SLC1A6: variants seen among roughly 807,000 people sequenced by gnomAD.
The protein encoded by SLC1A6 is solute carrier family 1 member 6.
Under a neutral mutation model 42.1 loss-of-function variants are expected in SLC1A6, and 15 were observed. That is an observed-to-expected ratio of 0.36 (90% confidence interval 0.24 to 0.55). SLC1A6 has a LOEUF of 0.55. Among genes scored for constraint, SLC1A6 ranks in the 20% least tolerant of loss-of-function variants. The pLI is 0.88. For synonymous variants in SLC1A6, 317 were observed against 319.7 expected, an observed-to-expected ratio of 0.99 and a Z score of 0.09; for missense variants, 542 against 772.5, an observed-to-expected ratio of 0.70 and a Z score of 3.54.
chr19:14,968,132 A>G (rs900726656), intron 4 of SLC1A6, among the ~76,000 whole-genome samples, 171 bp downstream of exon 4: 1 of 152,204 alleles, frequency 6.6e-6, no homozygotes, highest in African/African-American at 2.4e-5. Context: ...CAACCCATTC[A>G]GCATAAAGCT....
upstream of SLC1A6, among the ~76,000 whole-genome samples, chr19:14,981,294 A>G (rs971789365): frequency 1.3e-5 from 2 of 151,224 alleles, no homozygotes; most frequent in Non-Finnish European, 3.0e-5. Flanking sequence ...CCTTGTCTAA[A>G]AAAAAAAAAA....
At chr19:14,972,949 A>T (rs2045661898) in intron 1 of SLC1A6, 32 bp from the exon 2 acceptor site, 1 of 1,518,964 alleles carries the variant, frequency 6.6e-7, no homozygotes, top group Non-Finnish European at 8.9e-7. Flanking sequence ...GGGGCTGGTG[A>T]GGGCCAGGAC....
At chr19:14,983,603 G>A (rs991973227), upstream of SLC1A6, among the ~76,000 whole-genome samples, 7 of 150,204 alleles carry the variant, frequency 4.7e-5, no homozygotes, top group East Asian at 1.4e-3. Context: ...CGGGAGGATC[G>A]CTTGAGCCTG....
At chr19:14,967,633 C>T (rs1230324297) in intron 4 of SLC1A6, among the ~76,000 whole-genome samples, 1 of 152,182 alleles carries the variant, frequency 6.6e-6, no homozygotes, top group Admixed American at 6.5e-5. Context: ...AAGACCATGC[C>T]ACGCAGGGGT....
At chr19:14,977,284 C>A (rs2045722356) in intron 1 of SLC1A6, 1 of 152,146 alleles carries the variant, frequency 6.6e-6, no homozygotes, top group Non-Finnish European at 1.5e-5. Context: ...CAAATTCAGC[C>A]TACTGCTTGT....
chr19:14,959,384 A>G (rs2045489484), intron 6 of SLC1A6, among the ~76,000 whole-genome samples: 1 of 152,240 alleles, frequency 6.6e-6, no homozygotes, highest in Non-Finnish European at 1.5e-5. Flanking sequence ...TGCATAAGGG[A>G]TAAAAATTGC....
At chr19:14,980,785 TC>T (rs1388184535), upstream of SLC1A6, among the ~76,000 whole-genome samples, 1 of 152,076 alleles carries the variant, frequency 6.6e-6, no homozygotes. Context: ...ATCTACACAC[TC>T]CTATAAAGTA....
intron 1 of SLC1A6, among the ~76,000 whole-genome samples, chr19:14,998,065 G>A (rs2045855740): frequency 2.0e-5 from 3 of 151,922 alleles, no homozygotes; most frequent in Admixed American, 6.6e-5. Context: ...ACATATGCAT[G>A]TAAACTAAAA....
Position 14,968,453 on chromosome 19 carries a change from A to T in SLC1A6, c.398T>A (p.Val133Glu). 3 of 1,613,520 alleles carry T rather than the reference A, an allele frequency of 1.9e-6. No homozygotes were observed. Among genetic ancestry groups the T allele is most frequent in the Non-Finnish European group, 2.5e-6 (3 of 1,179,794 alleles). ...ATGRMGMRAA[V>E]YYMVTTIIAV... ...GATGATGGTGGTCACCATGTAGTAC[A>T]CAGCTGCCCGCATCCCCATCCGCCC... The change falls in exon 4 of 10, where the codon GTG becomes GAG. Residue 133 changes from valine (V) to glutamate (E), a missense_variant. Transcript: ENST00000594383.
intron 6 of SLC1A6, among the ~76,000 whole-genome samples, chr19:14,957,256 C>T (rs2045471553): frequency 6.6e-6 from 1 of 152,172 alleles, no homozygotes; most frequent in Non-Finnish European, 1.5e-5. Flanking sequence ...ATTCATTCCA[C>T]AGATATTGAC....
rs185146633 is a variant in SLC1A6, at chr19:14,969,098, C to T, written c.344-591G>A. 2.4e-3 allele frequency among the ~76,000 whole-genome samples: 368 copies of T among 152,312 alleles called. 7 individuals are homozygous for T. The highest frequency in any genetic ancestry group is 3.1e-4 in the Non-Finnish European group (21 of 68,032). ...CAGACGATCCACTCACCTCAGCCTTCCAAAGTGCTGGGATTACAGGCATGA... is the reference window on the plus strand; with the variant it reads ...CAGACGATCCACTCACCTCAGCCTTTCAAAGTGCTGGGATTACAGGCATGA... On this transcript the variant is annotated intron_variant, in intron 3 of 9. Transcript: ENST00000594383.
upstream of SLC1A6, among the ~76,000 whole-genome samples, chr19:14,983,465 T>A (rs1217437749): frequency 6.6e-6 from 1 of 151,770 alleles, no homozygotes; most frequent in African/African-American, 2.4e-5. Context: ...ACAGGAGGAT[T>A]ACTTGAGCCC....
At chr19:15,001,940 A>T (rs74590998) in intron 1 of SLC1A6, among the ~76,000 whole-genome samples, 14,808 of 151,774 alleles carry the variant, frequency 0.098, 875 homozygotes, top group East Asian at 0.2. Context: ...GGATTACAGT[A>T]GTGAGCCACC....
chr19:14,962,581 A>G (rs1271595826), intron 5 of SLC1A6, among the ~76,000 whole-genome samples: 1 of 152,178 alleles, frequency 6.6e-6, no homozygotes, highest in Non-Finnish European at 1.5e-5. Flanking sequence ...ACCCATTATG[A>G]AAAATCATAT....
chr19:14,982,916 A>G (rs2045775063), upstream of SLC1A6, among the ~76,000 whole-genome samples: 1 of 152,238 alleles, frequency 6.6e-6, no homozygotes, highest in South Asian at 2.1e-4. Flanking sequence ...TACGAAAAAT[A>G]ACTGTATTTT....
At chr19:14,990,765 G>T (rs544092193) in intron 1 of SLC1A6, among the ~76,000 whole-genome samples, 1 of 134,060 alleles carries the variant, frequency 7.5e-6, no homozygotes, top group East Asian at 2.1e-4. Flanking sequence ...GTGAGACTCT[G>T]TCTCAAAAAA....
chr19:14,978,511 C>CCA (rs536143167), intron 1 of SLC1A6, among the ~76,000 whole-genome samples: 2 of 152,054 alleles, frequency 1.3e-5, no homozygotes, highest in South Asian at 2.1e-4. Context: ...AGACATGCAA[C>CCA]CACACACACA....
chr19:14,990,595 C>A (rs2045814706), intron 1 of SLC1A6, among the ~76,000 whole-genome samples: 1 of 152,088 alleles, frequency 6.6e-6, no homozygotes, highest in Non-Finnish European at 1.5e-5. Context: ...CGTGGTGAAA[C>A]CCTGTCTCTA....
chr19:14,954,630 C>T (rs1248835972), intron 7 of SLC1A6, among the ~76,000 whole-genome samples: 3 of 151,928 alleles, frequency 2.0e-5, no homozygotes, highest in Non-Finnish European at 2.9e-5. Flanking sequence ...ATGGGCTGGG[C>T]GTGGCCTGGG....
Sources: allele counts gnomAD v4.1 joint callset (sites outside exome capture counted in the v4.1 genomes callset), GRCh38; gene constraint gnomAD v4.1.1; transcripts MANE v1.5; gene names NCBI Gene and HGNC (gene_info 2026-07-23, HGNC 2026-07-21).